Variants in JAK1 observed in about 807,000 individuals in gnomAD.
JAK1 encodes Janus kinase 1.
A neutral mutation model predicts 136.6 loss-of-function variants in JAK1; 16 were observed. That is an observed-to-expected ratio of 0.12 (90% CI 0.08 to 0.18). JAK1 has a LOEUF of 0.18. Among genes scored for constraint, JAK1 ranks in the 10% least tolerant of loss-of-function variants. The pLI, the probability that JAK1 is intolerant of heterozygous loss-of-function variation, is 1.00. For synonymous variants in JAK1, 492 were observed against 519.5 expected (o/e 0.95, Z 0.72); for missense variants, 859 against 1,450.1 (o/e 0.59, Z 6.62).
At chr1:64,835,800 C>T (rs1355937564) in intron 23 of JAK1, among the ~76,000 whole-genome samples, 1 of 152,102 alleles carries the variant, frequency 6.6e-6, no homozygotes, top group East Asian at 1.9e-4. Flanking sequence ...AGGCTGGTCC[C>T]TACCCAGTGC....
chr1:64,923,197 G>A (rs963022552), intron 1 of JAK1, among the ~76,000 whole-genome samples: 5 of 151,944 alleles, frequency 3.3e-5, no homozygotes, highest in Non-Finnish European at 7.4e-5. Context: ...TGACTGACAC[G>A]CAACATAATT....
chr1:64,991,673 C>T (rs1646658181), intron 2 of JAK1: 1 of 152,188 alleles, frequency 6.6e-6, no homozygotes, highest in Non-Finnish European at 1.5e-5. Flanking sequence ...AGAAGTAAAA[C>T]TGTATCTCTA....
chr1:64,883,461 T>C lies in JAK1; in HGVS notation c.21A>G (p.Lys7=), dbSNP rs1327830589. The C allele has an allele frequency of 2.5e-6, 4 of 1,613,808 alleles. No homozygotes were observed. ...AGAAAGCCATGGCATTGCAGTCCTC[T>C]TTTATATTTAGATACTGTTGTGGAA... The part of the protein sequence containing the change: MQYLNI[K]EDCNAMAFCA... Residue 7 remains lysine (K), a synonymous_variant, in exon 3 of 25, where the codon AAA becomes AAG. Transcript: ENST00000342505.
chr1:65,045,457 CCTT>C (rs1298311612), intron 1 of JAK1, among the ~76,000 whole-genome samples: 10 of 152,112 alleles, frequency 6.6e-5, no homozygotes, highest in Non-Finnish European at 1.2e-4. Context: ...AGTTCAAAAA[CCTT>C]CTCTGTGATG....
At chr1:64,994,654 T>C (rs1646687744) in intron 2 of JAK1, among the ~76,000 whole-genome samples, 1 of 152,170 alleles carries the variant, frequency 6.6e-6, no homozygotes, top group Non-Finnish European at 1.5e-5. Flanking sequence ...ACTGCCGCAT[T>C]CAGGATTACA....
At chr1:65,054,583 A>T (rs927746335) in intron 1 of JAK1, among the ~76,000 whole-genome samples, 2 of 152,056 alleles carry the variant, frequency 1.3e-5, no homozygotes, top group Non-Finnish European at 2.9e-5. Context: ...TTTTCTGTTT[A>T]AAAAAACTCC....
At chr1:64,913,123 T>C (rs1645312499) in intron 1 of JAK1, among the ~76,000 whole-genome samples, 1 of 152,164 alleles carries the variant, frequency 6.6e-6, no homozygotes, top group African/African-American at 2.4e-5. Context: ...GGCTCAATGC[T>C]GAATCCTCCC....
At chr1:64,905,901 T>C (rs1300772193) in intron 1 of JAK1, among the ~76,000 whole-genome samples, 1 of 152,168 alleles carries the variant, frequency 6.6e-6, no homozygotes, top group African/African-American at 2.4e-5. Flanking sequence ...AGTCTCCAAA[T>C]GTCGGTGGCC....
At chr1:64,885,282 T>C (rs1421766735) in intron 2 of JAK1, among the ~76,000 whole-genome samples, 1 of 152,170 alleles carries the variant, frequency 6.6e-6, no homozygotes, top group African/African-American at 2.4e-5. Flanking sequence ...AAAACTGTGA[T>C]GGAAAACAGA....
chr1:65,025,763 G>A (rs929893349), intron 2 of JAK1, among the ~76,000 whole-genome samples: 17 of 151,880 alleles, frequency 1.1e-4, no homozygotes, highest in African/African-American at 3.6e-4. Context: ...CTGTAGCCTC[G>A]ACCTCCTAGG....
intron 1 of JAK1, among the ~76,000 whole-genome samples, chr1:64,936,843 C>G (rs1268261252): frequency 6.6e-6 from 1 of 151,996 alleles, no homozygotes; most frequent in African/African-American, 2.4e-5. Context: ...TGAGAATTTC[C>G]AATGTGACAG....
chr1:64,868,242 C>A (rs1041102919), intron 6 of JAK1, among the ~76,000 whole-genome samples: 1 of 152,152 alleles, frequency 6.6e-6, no homozygotes, highest in Admixed American at 6.5e-5. Context: ...TTAAGAAGAA[C>A]GTTGAGTACC....
rs906470127 is a variant in JAK1, at chr1:64,841,184, G to GT, written c.2649+60dup. The GT allele has an allele frequency of 6.8e-6, 8 of 1,173,752 alleles. No individual in the cohort carries two copies. The African/African-American group carries it at 1.1e-4, about 16-fold the overall frequency. The allele number at this position is 1,173,752 out of a possible 1,614,324, so 72.7% of individuals were successfully genotyped here. On this transcript the variant is annotated intron_variant, in intron 19 of 24. Coordinates refer to ENST00000342505, the MANE Select transcript of JAK1 (RefSeq NM_002227.4). ...TGGAGAGCAGCTGTACGTGCAGAGA[G>GT]TGGCGCTGTGGATGGCGGAGGGCTC...
intron 2 of JAK1, among the ~76,000 whole-genome samples, chr1:65,043,017 A>G (rs1647149376): frequency 6.6e-6 from 1 of 152,152 alleles, no homozygotes; most frequent in Non-Finnish European, 1.5e-5. Context: ...GAAATGACAA[A>G]CCAACCCAAT....
At chr1:64,928,786 A>AAAAAAAAAAC (rs1553169996) in intron 1 of JAK1, among the ~76,000 whole-genome samples, 1 of 117,912 alleles carries the variant, frequency 8.5e-6, no homozygotes, top group Admixed American at 8.7e-5. Context: ...TGCAAAAAAA[A>AAAAAAAAAAC]AAAAAAAAAA....
At chr1:64,960,802 T>C (rs1179865244) in intron 1 of JAK1, among the ~76,000 whole-genome samples, 2 of 152,230 alleles carry the variant, frequency 1.3e-5, no homozygotes, top group African/African-American at 4.8e-5. Context: ...AGTTGCCCTT[T>C]TCTGCTAGAG....
intron 2 of JAK1, chr1:64,973,578 T>G (rs1341607783): frequency 8.1e-6 from 1 of 123,044 alleles, no homozygotes; most frequent in Non-Finnish European, 1.6e-5. Context: ...TAGTATTAAG[T>G]AAATGTTCAC....
intron 1 of JAK1, among the ~76,000 whole-genome samples, chr1:64,947,039 AG>A (rs1646000449): frequency 1.3e-5 from 2 of 152,202 alleles, no homozygotes; most frequent in African/African-American, 2.4e-5. Context: ...GTAGAATGGT[AG>A]TTGGCAGGAG....
At chr1:65,044,742 A>G (rs1352491580) in intron 1 of JAK1, among the ~76,000 whole-genome samples, 1 of 152,202 alleles carries the variant, frequency 6.6e-6, no homozygotes, top group African/African-American at 2.4e-5. Flanking sequence ...GCGGCAGTAC[A>G]AGAGAGGAGT....
Sources: gnomAD v4.1 joint callset for allele counts (sites outside exome capture counted in the v4.1 genomes callset) on GRCh38, gnomAD v4.1.1 for gene constraint, MANE v1.5 for transcripts, NCBI Gene and HGNC (gene_info 2026-07-23, HGNC 2026-07-21) for gene names.